Variants in CACNA1E observed in about 807,000 individuals in gnomAD.
CACNA1E encodes the protein calcium voltage-gated channel subunit alpha1 E, also known as voltage-dependent R-type calcium channel subunit alpha-1E.
Under a neutral mutation model 259.2 loss-of-function variants are expected in CACNA1E, and 40 were observed. That is an observed-to-expected ratio of 0.15 (90% CI 0.12 to 0.20). CACNA1E has a LOEUF of 0.20. Among genes scored for constraint, CACNA1E ranks in the 10% least tolerant of loss-of-function variants. CACNA1E has a pLI of 1.00. For missense variants in CACNA1E, 1,874 were observed against 3,040.1 expected (o/e 0.62, Z 9.02); for synonymous variants, 1,104 against 1,138.5 (o/e 0.97, Z 0.61).
At chr1:181,689,485 G>T (rs112636798) in intron 7 of CACNA1E, among the ~76,000 whole-genome samples, 2 of 152,066 alleles carry the variant, frequency 1.3e-5, no homozygotes, top group African/African-American at 4.8e-5. Context: ...AATCCTTTGG[G>T]TATATACCCA....
chr1:181,552,194 G>A (rs1648242879), intron 3 of CACNA1E, among the ~76,000 whole-genome samples: 1 of 152,206 alleles, frequency 6.6e-6, no homozygotes, highest in Non-Finnish European at 1.5e-5. Context: ...ACCCATGTTT[G>A]TGAACAGTCT....
intron 1 of CACNA1E, among the ~76,000 whole-genome samples, chr1:181,386,905 A>G (rs183489867): frequency 6.6e-6 from 1 of 152,120 alleles, no homozygotes; most frequent in African/African-American, 2.4e-5. Context: ...ACACGCTTTG[A>G]GTGGGGACCG....
chr1:181,394,734 G>A (rs78371623), intron 1 of CACNA1E, among the ~76,000 whole-genome samples: 3,241 of 152,282 alleles, frequency 0.021, 123 homozygotes, highest in African/African-American at 0.073. Flanking sequence ...ATGTGAAGAA[G>A]ATGACGGACT....
chr1:181,478,407 C>T (rs1412060836), intron 2 of CACNA1E, among the ~76,000 whole-genome samples: 1 of 152,188 alleles, frequency 6.6e-6, no homozygotes, highest in Non-Finnish European at 1.5e-5. Flanking sequence ...GTGAAAGCCA[C>T]CAGACTCCCA....
chr1:181,558,078 C>T (rs1229714572), intron 3 of CACNA1E, among the ~76,000 whole-genome samples: 1 of 152,174 alleles, frequency 6.6e-6, no homozygotes, highest in African/African-American at 2.4e-5. Flanking sequence ...AGGACATAGG[C>T]CTGGAGAAGA....
At chr1:181,625,769 A>G (rs188906265) in intron 6 of CACNA1E, among the ~76,000 whole-genome samples, 96 of 152,228 alleles carry the variant, frequency 6.3e-4, no homozygotes, top group African/African-American at 2.1e-3. Flanking sequence ...TCCTTCGACA[A>G]CTTTTTCTTG....
At chr1:181,641,561 A>C (rs2102003167) in intron 6 of CACNA1E, among the ~76,000 whole-genome samples, 1 of 152,144 alleles carries the variant, frequency 6.6e-6, no homozygotes, top group African/African-American at 2.4e-5. Context: ...TGACATCTCT[A>C]TCCTTGCTCC....
chr1:181,793,644 T>C, intron 44 of CACNA1E, 21 bp from the exon 45 acceptor site: 2 of 1,605,846 alleles, frequency 1.2e-6, no homozygotes, highest in Non-Finnish European at 1.7e-6. Context: ...CCCACAAGCT[T>C]GGCTGTGTGT....
At chr1:181,775,829 A>G (rs1297848304) in intron 37 of CACNA1E, among the ~76,000 whole-genome samples, 2 of 152,204 alleles carry the variant, frequency 1.3e-5, no homozygotes, top group Non-Finnish European at 2.9e-5. Flanking sequence ...GAGACCACAC[A>G]GCCTGCAGAG....
At chr1:181,688,491 A>G (rs1014801846) in intron 7 of CACNA1E, among the ~76,000 whole-genome samples, 5 of 152,350 alleles carry the variant, frequency 3.3e-5, no homozygotes, top group Middle Eastern at 3.4e-3. Flanking sequence ...ACTCTGCAAG[A>G]TAATGCCCAA....
rs79539914 is a variant in CACNA1E at position 181,396,611 on chromosome 1, C to A, written c.-14-16522C>A. Among the ~76,000 whole-genome samples the A allele has an allele frequency of 3.6e-3, 550 of 152,262 alleles. 1 individual carries two copies. Among genetic ancestry groups the A allele is most frequent in the Non-Finnish European group, 6.4e-3 (437 of 68,018 alleles). ...GGTTTTTCTAAGATGAGAGAAACAA[C>A]AGTATGTTTGCACATTGATAGGAGT... On this transcript the variant is annotated intron_variant, in intron 1 of 11. Coordinates refer to the CACNA1E transcript ENST00000524607.
intron 7 of CACNA1E, among the ~76,000 whole-genome samples, chr1:181,660,401 A>G (rs887985581): frequency 6.6e-6 from 1 of 152,218 alleles, no homozygotes; most frequent in Admixed American, 6.5e-5. Flanking sequence ...ATGTAATGGG[A>G]CTCTAAGTTC....
At chr1:181,358,527 A>AT (rs1209263914) in intron 1 of CACNA1E, among the ~76,000 whole-genome samples, 3 of 152,224 alleles carry the variant, frequency 2.0e-5, no homozygotes, top group African/African-American at 7.2e-5. Context: ...TTTGGATATT[A>AT]TAAAGAGCTT....
intron 2 of CACNA1E, among the ~76,000 whole-genome samples, chr1:181,425,296 G>A (rs1241090018): frequency 6.6e-6 from 1 of 152,088 alleles, no homozygotes; most frequent in Admixed American, 6.5e-5. Context: ...TCCCACCGCA[G>A]TCCAGGGCCT....
At chr1:181,492,817 C>A (rs144580117) in intron 1 of CACNA1E, among the ~76,000 whole-genome samples, 2 of 152,220 alleles carry the variant, frequency 1.3e-5, no homozygotes, top group East Asian at 3.8e-4. Flanking sequence ...TTTACTCCCA[C>A]TTCCCTCCTT....
intron 3 of CACNA1E, among the ~76,000 whole-genome samples, chr1:181,567,060 G>A (rs1032362369): frequency 6.6e-6 from 1 of 152,106 alleles, no homozygotes; most frequent in African/African-American, 2.4e-5. Context: ...TTCTTAGTGT[G>A]GTGGTTTTGA....
chr1:181,567,000 C>A (rs1272622547), intron 3 of CACNA1E, among the ~76,000 whole-genome samples: 1 of 152,098 alleles, frequency 6.6e-6, no homozygotes, highest in South Asian at 2.1e-4. Context: ...ATGCATAAGG[C>A]AGCTCCCCAC....
intron 7 of CACNA1E, among the ~76,000 whole-genome samples, chr1:181,698,713 T>C (rs1481339772): frequency 6.6e-6 from 1 of 152,100 alleles, no homozygotes; most frequent in Non-Finnish European, 1.5e-5. Flanking sequence ...TCTTTGCTTG[T>C]ATGTCACCAG....
chr1:181,651,734 T>G (rs1227942850), intron 7 of CACNA1E: 1 of 228,734 alleles, frequency 4.4e-6, no homozygotes, highest in Non-Finnish European at 8.5e-6. Flanking sequence ...AACTCAGCAG[T>G]CAGAGACCTA....
Sources: gnomAD v4.1 joint callset for allele counts (sites outside exome capture counted in the v4.1 genomes callset) on GRCh38, gnomAD v4.1.1 for gene constraint, MANE v1.5 for transcripts, NCBI Gene and HGNC (gene_info 2026-07-23, HGNC 2026-07-21) for gene names.